GDAP1: variants seen among roughly 807,000 people sequenced by gnomAD.
GDAP1 encodes ganglioside-induced differentiation-associated protein 1.
Under a neutral mutation model 40.1 loss-of-function variants are expected in GDAP1, and 34 were observed. That is an observed-to-expected ratio of 0.85 (90% CI 0.64 to 1.13). The LOEUF is 1.13. GDAP1 is among the 50% of genes most tolerant of loss of function. The pLI, the probability that GDAP1 is intolerant of heterozygous loss-of-function variation, is 0.00. For missense variants in GDAP1, 374 were observed against 433.7 expected, an observed-to-expected ratio of 0.86 and a Z score of 1.22; for synonymous variants, 170 against 157.4, an observed-to-expected ratio of 1.08 and a Z score of -0.60.
At chr8:74,469,911 T>G (rs1431418466) in intron 2 of GDAP1, among the ~76,000 whole-genome samples, 1 of 151,580 alleles carries the variant, frequency 6.6e-6, no homozygotes, top group Non-Finnish European at 1.5e-5. Flanking sequence ...GAGGTGGAGG[T>G]TGCAGTGAGC....
chr8:74,431,627 G>A (rs1033498540), intron 2 of GDAP1, among the ~76,000 whole-genome samples: 1 of 151,682 alleles, frequency 6.6e-6, no homozygotes, highest in African/African-American at 2.4e-5. Flanking sequence ...GACTACAGGC[G>A]CCCGCCACTG....
At chr8:74,353,939 G>A (rs1356642040) in intron 2 of GDAP1, among the ~76,000 whole-genome samples, 1 of 152,084 alleles carries the variant, frequency 6.6e-6, no homozygotes, top group African/African-American at 2.4e-5. Context: ...TACACTGCTG[G>A]AGAATGTCCC....
chr8:74,390,001 A>C (rs578015522), intron 2 of GDAP1, among the ~76,000 whole-genome samples: 4 of 152,260 alleles, frequency 2.6e-5, no homozygotes, highest in African/African-American at 4.8e-5. Context: ...CGCTTCACGA[A>C]GTTCTCCTGC....
At chr8:74,408,778 G>A (rs1414608493) in intron 2 of GDAP1, among the ~76,000 whole-genome samples, 1 of 150,036 alleles carries the variant, frequency 6.7e-6, no homozygotes, top group Non-Finnish European at 1.5e-5. Flanking sequence ...TCGACTTATT[G>A]GTTAATGATG....
At chr8:74,418,261 A>G (rs1215135536) in intron 2 of GDAP1, among the ~76,000 whole-genome samples, 1 of 152,244 alleles carries the variant, frequency 6.6e-6, no homozygotes, top group Non-Finnish European at 1.5e-5. Flanking sequence ...CAAGTTGGGG[A>G]AATTATGCTA....
intron 2 of GDAP1, among the ~76,000 whole-genome samples, chr8:74,455,895 G>A (rs913741859): frequency 4.6e-5 from 7 of 151,840 alleles, no homozygotes; most frequent in Admixed American, 1.3e-4. Context: ...CATTCCTAAG[G>A]ATGCTGTTCT....
At chr8:74,414,142 A>G (rs1805750363) in intron 2 of GDAP1, among the ~76,000 whole-genome samples, 1 of 150,332 alleles carries the variant, frequency 6.7e-6, no homozygotes, top group South Asian at 2.1e-4. Flanking sequence ...AAGTGGATTG[A>G]CTTTAATCTG....
At chr8:74,358,502 C>T (rs1809207114) in intron 2 of GDAP1, among the ~76,000 whole-genome samples, 1 of 152,180 alleles carries the variant, frequency 6.6e-6, no homozygotes, top group African/African-American at 2.4e-5. Flanking sequence ...TGGATCATAG[C>T]TATCAATATT....
In GDAP1 at chr8:74,452,391, T is replaced by C. The variant is rs532059355; in HGVS notation, c.166-36287T>C. On this transcript the variant is annotated intron_variant, in intron 2 of 2. Transcript: ENST00000523640. ...TCCATGTTTCTCTTTCTTCAATGCA[T>C]GGATTTCTAATTACACATAAATTGG... Among the ~76,000 whole-genome samples the C allele has an allele frequency of 4.8e-4, 40 of 83,772 alleles. 14 individuals are homozygous for C. Among genetic ancestry groups the C allele is most frequent in the Non-Finnish European group, 7.5e-4 (31 of 41,328 alleles). The allele number at this position is 83,772 out of a possible 152,430, so 55.0% of individuals were successfully genotyped here.
rs1806291182 is a variant in GDAP1, at chr8:74,450,700, G to T, written c.166-37978G>T. Among the ~76,000 whole-genome samples, 2 of 20,930 alleles carry T rather than the reference G, an allele frequency of 9.6e-5. 1 individual carries two copies. Among genetic ancestry groups the T allele is most frequent in the African/African-American group, 5.2e-4 (2 of 3,832 alleles). The allele number at this position is 20,930 out of a possible 152,430, so 13.7% of individuals were successfully genotyped here. The stretch of plus-strand genomic sequence containing the variant: ...TCTGTAAAGTATATATCTTGTAGTT[G>T]TACTTTTTAGATATTTGATTTGGCA... On this transcript the variant is annotated intron_variant, in intron 2 of 2. Transcript: ENST00000523640.
chr8:74,459,099 A>T (rs1377112330), intron 2 of GDAP1, among the ~76,000 whole-genome samples: 1 of 152,194 alleles, frequency 6.6e-6, no homozygotes, highest in African/African-American at 2.4e-5. Context: ...TAATGGGGCA[A>T]GAAAATATTC....
In GDAP1 at chr8:74,428,492, C is replaced by T. The variant is rs146925711; in HGVS notation, c.166-60186C>T. ...TTGTTTTTTTTTTTTTCTTTTGAGACGGAGTCTTGCTCTGTTGCCCAGGCA... is the reference window on the plus strand; with the variant it reads ...TTGTTTTTTTTTTTTTCTTTTGAGATGGAGTCTTGCTCTGTTGCCCAGGCA... On this transcript the variant is annotated intron_variant, in intron 2 of 2. Coordinates refer to the GDAP1 transcript ENST00000523640. Among the ~76,000 whole-genome samples the T allele has an allele frequency of 5.4e-3, 811 of 149,062 alleles. 6 individuals carry two copies. Among genetic ancestry groups the T allele is most frequent in the African/African-American group, 0.019 (764 of 40,658 alleles).
chr8:74,425,096 C>G (rs950770523), intron 2 of GDAP1, among the ~76,000 whole-genome samples: 6 of 152,184 alleles, frequency 3.9e-5, no homozygotes, highest in Non-Finnish European at 4.4e-5. Context: ...TACAGGCACA[C>G]ACATTTGGTT....
Position 74,412,380 on chromosome 8 carries a change from A to G in GDAP1, c.165+61059A>G, listed in dbSNP as rs889995781. Among the ~76,000 whole-genome samples the G allele has an allele frequency of 3.3e-5, 5 of 150,278 alleles. No homozygotes were observed. The East Asian group carries it at 7.7e-4, about 23-fold the overall frequency. ...AAAGAGCAAAGAGAGGATGAGAGAT[A>G]GACAATATTTGAAAAGATAATGCCT... On this transcript the variant is annotated intron_variant, in intron 2 of 2. Coordinates refer to the GDAP1 transcript ENST00000523640.
intron 2 of GDAP1, among the ~76,000 whole-genome samples, chr8:74,388,249 T>C (rs1810054448): frequency 6.6e-6 from 1 of 152,160 alleles, no homozygotes; most frequent in Non-Finnish European, 1.5e-5. Context: ...CTTGCTTCTC[T>C]AGTTGTTTTA....
downstream of GDAP1, among the ~76,000 whole-genome samples, chr8:74,370,511 AAC>A (rs1809729960): frequency 6.6e-6 from 1 of 152,210 alleles, no homozygotes; most frequent in Non-Finnish European, 1.5e-5. Flanking sequence ...GCTCTGGAGG[AAC>A]ACTAAAATTT....
chr8:74,466,097 C>T (rs933985390), intron 2 of GDAP1, among the ~76,000 whole-genome samples: 4 of 152,126 alleles, frequency 2.6e-5, no homozygotes, highest in Non-Finnish European at 4.4e-5. Flanking sequence ...TTCAGAGGGA[C>T]GTGCTTTTTA....
rs370935804 is a variant in GDAP1, at chr8:74,402,451, G to A, written c.165+51130G>A. On this transcript the variant is annotated intron_variant, in intron 2 of 2. Coordinates refer to the GDAP1 transcript ENST00000523640. Reference sequence around the variant, plus strand: ...TGAGTGACCCGATTTTCCAGGTGCCGTCTGTCACCCCTTTCTTTGACTAGG... The same window carrying A: ...TGAGTGACCCGATTTTCCAGGTGCCATCTGTCACCCCTTTCTTTGACTAGG... Among the ~76,000 whole-genome samples the A allele has an allele frequency of 6.6e-5, 10 of 150,454 alleles. 1 individual carries two copies. The highest frequency in any genetic ancestry group is 4.1e-4 in the South Asian group (2 of 4,824).
At chr8:74,405,605 G>A (rs1427384490) in intron 2 of GDAP1, among the ~76,000 whole-genome samples, 14 of 149,864 alleles carry the variant, frequency 9.3e-5, no homozygotes, top group Admixed American at 7.2e-4. Flanking sequence ...TCATATCTTC[G>A]TTTTTGTACT....
Sources: gnomAD v4.1 joint callset for allele counts (sites outside exome capture counted in the v4.1 genomes callset) on GRCh38, gnomAD v4.1.1 for gene constraint, MANE v1.5 for transcripts, NCBI Gene and HGNC (gene_info 2026-07-23, HGNC 2026-07-21) for gene names.